MACROD2: variants seen among roughly 807,000 people sequenced by gnomAD.
MACROD2 encodes ADP-ribose glycohydrolase MACROD2.
MACROD2 carries 36 observed loss-of-function variants against 70.4 expected under a neutral mutation model. The ratio of observed to expected loss-of-function variants is 0.51; its 90% confidence interval spans 0.39 to 0.68. The LOEUF (loss-of-function observed/expected upper bound fraction) is 0.68, where lower values mean the gene tolerates loss of function less well. Among genes scored for constraint, MACROD2 ranks in the 30% least tolerant of loss-of-function variants. MACROD2 has a pLI of 0.00. For missense variants in MACROD2, 496 were observed against 538.4 expected (o/e 0.92, Z 0.78); for synonymous variants, 172 against 178.8 (o/e 0.96, Z 0.30).
At chr20:15,623,709 T>TATCTATCTATCTATCTATCTATCC (rs1390472216) in intron 8 of MACROD2, among the ~76,000 whole-genome samples, 2 of 151,972 alleles carry the variant, frequency 1.3e-5, no homozygotes, top group African/African-American at 4.8e-5. Flanking sequence ...TCTATCTATC[T>TATCTATCTATCTATCTATCTATCC]ATCTATCTAT....
chr20:14,378,957 G>C lies in MACROD2; in HGVS notation c.272-114522G>C, dbSNP rs536339058. Among the ~76,000 whole-genome samples the C allele has an allele frequency of 1.8e-4, 28 of 152,248 alleles. 1 individual carries two copies. The highest frequency in any genetic ancestry group is 6.0e-4 in the African/African-American group (25 of 41,544). ...TCATGAAGCAGGTTGTTGTTCTTCAGTGGGTTAGAAGTGGGATGATTCCTC... is the reference window on the plus strand; with the variant it reads ...TCATGAAGCAGGTTGTTGTTCTTCACTGGGTTAGAAGTGGGATGATTCCTC... On this transcript the variant is annotated intron_variant, in intron 3 of 17. Transcript: ENST00000684519.
chr20:15,495,397 A>C (rs899641257), intron 7 of MACROD2, among the ~76,000 whole-genome samples: 1 of 152,212 alleles, frequency 6.6e-6, no homozygotes, highest in South Asian at 2.1e-4. Context: ...TCCCCTTTTA[A>C]TTAATCACAA....
At chr20:14,094,653 A>G (rs2054198429) in intron 3 of MACROD2, among the ~76,000 whole-genome samples, 3 of 152,124 alleles carry the variant, frequency 2.0e-5, no homozygotes, top group South Asian at 4.2e-4. Flanking sequence ...AAATCACATT[A>G]TTTCTTACCT....
intron 5 of MACROD2, among the ~76,000 whole-genome samples, chr20:14,964,346 G>A (rs1285257322): frequency 6.6e-6 from 1 of 152,030 alleles, no homozygotes; most frequent in Non-Finnish European, 1.5e-5. Context: ...GCCGAGGAGG[G>A]CAGATCACGA....
intron 5 of MACROD2, among the ~76,000 whole-genome samples, chr20:15,094,729 A>T (rs2075816201): frequency 6.6e-6 from 1 of 152,160 alleles, no homozygotes. Flanking sequence ...TGTATTTTAA[A>T]ATCTTTTTCT....
At chr20:15,307,749 CT>C (rs923569306) in intron 6 of MACROD2, among the ~76,000 whole-genome samples, 6 of 151,780 alleles carry the variant, frequency 4.0e-5, no homozygotes, top group Non-Finnish European at 5.9e-5. Flanking sequence ...AAATAATTTT[CT>C]TTTTTTTCTG....
chr20:14,852,849 G>A (rs2073213372), intron 5 of MACROD2, among the ~76,000 whole-genome samples: 1 of 152,158 alleles, frequency 6.6e-6, no homozygotes, highest in Non-Finnish European at 1.5e-5. Context: ...GTTTTATTCT[G>A]TTCAACAAAC....
chr20:14,827,270 A>C (rs1165302803), intron 5 of MACROD2, among the ~76,000 whole-genome samples: 1 of 149,478 alleles, frequency 6.7e-6, no homozygotes, highest in Non-Finnish European at 1.5e-5. Flanking sequence ...TTTGGTTGTC[A>C]ATCTACACAG....
At chr20:14,485,483 C>CGA (rs2084712777) in intron 3 of MACROD2, among the ~76,000 whole-genome samples, 1 of 152,020 alleles carries the variant, frequency 6.6e-6, no homozygotes, top group South Asian at 2.1e-4. Flanking sequence ...GGGCGAATCA[C>CGA]GAGGTCGGGA....
At chr20:14,191,950 T>G (rs1007476526) in intron 3 of MACROD2, among the ~76,000 whole-genome samples, 23 of 126,708 alleles carry the variant, frequency 1.8e-4, no homozygotes. Context: ...CTTACCTTTT[T>G]AAAATACTGT....
At chr20:14,730,397 G>A (rs1027273948) in intron 5 of MACROD2, among the ~76,000 whole-genome samples, 3 of 152,066 alleles carry the variant, frequency 2.0e-5, no homozygotes, top group East Asian at 1.9e-4. Flanking sequence ...GAGAAAGGAC[G>A]ACTCACCCAC....
intron 5 of MACROD2, among the ~76,000 whole-genome samples, chr20:14,998,447 A>G (rs1046556163): frequency 5.3e-5 from 8 of 152,196 alleles, no homozygotes; most frequent in Non-Finnish European, 7.4e-5. Context: ...AAAATCAAGT[A>G]GAAATTCTGG....
intron 1 of MACROD2, among the ~76,000 whole-genome samples, chr20:14,000,656 G>A (rs1037982776): frequency 1.3e-5 from 2 of 152,196 alleles, no homozygotes; most frequent in Non-Finnish European, 2.9e-5. Flanking sequence ...GAGTGAAGAA[G>A]CCAGTGTCAG....
intron 6 of MACROD2, among the ~76,000 whole-genome samples, chr20:15,312,752 A>T: frequency 6.6e-6 from 1 of 152,166 alleles, no homozygotes; most frequent in East Asian, 1.9e-4. Context: ...TGTTTTAGGA[A>T]GGAAACTTAT....
intron 2 of MACROD2, among the ~76,000 whole-genome samples, chr20:14,064,603 C>T (rs1488675705): frequency 6.6e-6 from 1 of 152,180 alleles, no homozygotes; most frequent in East Asian, 1.9e-4. Context: ...TTATTGCTGA[C>T]ATTTTCATTT....
At chr20:15,513,169 T>A (rs1291315377) in intron 8 of MACROD2, among the ~76,000 whole-genome samples, 1 of 152,208 alleles carries the variant, frequency 6.6e-6, no homozygotes, top group Non-Finnish European at 1.5e-5. Flanking sequence ...TTTCAACTGT[T>A]TTTTATAAGT....
intron 15 of MACROD2, among the ~76,000 whole-genome samples, chr20:16,001,892 T>A (rs1268542649): frequency 1.3e-5 from 2 of 152,024 alleles, no homozygotes; most frequent in African/African-American, 4.8e-5. Flanking sequence ...TAGTCAATAT[T>A]TTACACTTTG....
At chr20:15,308,891 G>A (rs2077724420) in intron 6 of MACROD2, among the ~76,000 whole-genome samples, 1 of 152,046 alleles carries the variant, frequency 6.6e-6, no homozygotes, top group Admixed American at 6.6e-5. Flanking sequence ...GGCTTGACTG[G>A]GCCTCCTTGT....
At chr20:16,029,758 C>G (rs1334269720) in intron 15 of MACROD2, among the ~76,000 whole-genome samples, 1 of 152,124 alleles carries the variant, frequency 6.6e-6, no homozygotes, top group Non-Finnish European at 1.5e-5. Flanking sequence ...CAGTCTTTCC[C>G]CAGAGAAACA....
Sources: gnomAD v4.1 joint callset for allele counts (sites outside exome capture counted in the v4.1 genomes callset) on GRCh38, gnomAD v4.1.1 for gene constraint, MANE v1.5 for transcripts, NCBI Gene and HGNC (gene_info 2026-07-23, HGNC 2026-07-21) for gene names.